SRBD1: variants seen among roughly 807,000 people sequenced by gnomAD.
The protein encoded by SRBD1 is S1 RNA-binding domain-containing protein 1.
Under a neutral mutation model 115.3 loss-of-function variants are expected in SRBD1, and 88 were observed. That is an observed-to-expected ratio of 0.76 (90% confidence interval 0.64 to 0.91). SRBD1 has a LOEUF of 0.91. SRBD1 is among the 40% of genes least tolerant of loss of function. The pLI, the probability that SRBD1 is intolerant of heterozygous loss-of-function variation, is 0.00. For missense variants in SRBD1, 1,385 were observed against 1,177.4 expected (o/e 1.18, Z -2.58); for synonymous variants, 509 against 407.7 (o/e 1.25, Z -2.99).
chr2:45,540,508 C>A (rs1671900888), intron 14 of SRBD1, among the ~76,000 whole-genome samples: 1 of 151,710 alleles, frequency 6.6e-6, no homozygotes, highest in African/African-American at 2.4e-5. Flanking sequence ...AAAAACTATA[C>A]CAAAAAATTG....
intron 16 of SRBD1, among the ~76,000 whole-genome samples, chr2:45,446,952 C>T (rs545840642): frequency 3.0e-4 from 45 of 152,322 alleles, no homozygotes; most frequent in African/African-American, 1.0e-3. Flanking sequence ...GAACTTAGAA[C>T]ATTTACTTCC....
chr2:45,484,871 G>T (rs1487232100), intron 15 of SRBD1, among the ~76,000 whole-genome samples: 1 of 152,220 alleles, frequency 6.6e-6, no homozygotes, highest in African/African-American at 2.4e-5. Context: ...TTTTACTTAT[G>T]TTGGCATGAC....
chr2:45,491,809 A>C (rs1670300660), intron 14 of SRBD1, among the ~76,000 whole-genome samples: 2 of 152,166 alleles, frequency 1.3e-5, no homozygotes, highest in Non-Finnish European at 2.9e-5. Context: ...TGAGTTAAAA[A>C]TGCTGCTTTA....
rs556686229 is a variant in SRBD1, at chr2:45,553,113, C to A, written c.1517+510G>T. Among the ~76,000 whole-genome samples, 21 of 152,292 alleles carry A rather than the reference C, an allele frequency of 1.4e-4. No individual in the cohort carries two copies. In the South Asian group the frequency reaches 4.4e-3, roughly 32 times the overall value. On this transcript the variant is annotated intron_variant, in intron 11 of 20. Transcript: ENST00000263736. ...CTCCCTACATTTCTTTTCTTTCCAT[C>A]TTCTGTCCTGAAAACAATTCTGCAC... is the stretch of plus-strand genomic sequence containing the variant.
At chr2:45,449,759 G>A (rs1430206859) in intron 16 of SRBD1, among the ~76,000 whole-genome samples, 3 of 152,146 alleles carry the variant, frequency 2.0e-5, no homozygotes, top group Non-Finnish European at 1.5e-5. Flanking sequence ...GATATGCTGT[G>A]GAAATTAGCT....
In SRBD1 at chr2:45,552,798, G is replaced by C. The variant is rs138466841; in HGVS notation, c.1517+825C>G. Reference sequence around the variant, plus strand: ...AAAAGAAATTGGACAACAGGACTATGTGTCTTTTTTAATAGTACCTGCTCA... The same window carrying C: ...AAAAGAAATTGGACAACAGGACTATCTGTCTTTTTTAATAGTACCTGCTCA... On this transcript the variant is annotated intron_variant, in intron 11 of 20. Coordinates refer to ENST00000263736, the MANE Select transcript of SRBD1 (RefSeq NM_018079.5). Among the ~76,000 whole-genome samples, 367 of 152,250 alleles carry C rather than the reference G, an allele frequency of 2.4e-3. 5 individuals are homozygous for C. Among genetic ancestry groups the C allele is most frequent in the African/African-American group, 8.3e-3 (346 of 41,546 alleles).
In SRBD1 at chr2:45,415,628, G is replaced by T. The variant is rs1249190224; in HGVS notation, c.2334-2335C>A. 8.3e-5 allele frequency among the ~76,000 whole-genome samples: 10 copies of T among 120,196 alleles called. No individual in the cohort carries two copies. The East Asian group carries it at 2.2e-3, about 26-fold the overall frequency. 78.9% of individuals were successfully genotyped at this position (120,196 alleles called of 152,430 possible). ...TTTATATATGTATAAAATATATAGA[G>T]AGAGTGAGAGAAAAGGAGGGGAGGG... On this transcript the variant is annotated intron_variant, in intron 18 of 20. Transcript: ENST00000263736.
chr2:45,523,065 G>T (rs570729915), intron 14 of SRBD1, among the ~76,000 whole-genome samples: 1 of 151,836 alleles, frequency 6.6e-6, no homozygotes, highest in Non-Finnish European at 1.5e-5. Flanking sequence ...CTCAACATGT[G>T]TATGAAACAG....
chr2:45,475,426 T>A (rs565555730), intron 16 of SRBD1, among the ~76,000 whole-genome samples: 56 of 152,242 alleles, frequency 3.7e-4, no homozygotes, highest in East Asian at 1.9e-4. Context: ...CCACCCCCCC[T>A]TGCTTAAACC....
At position 45,501,966 on chromosome 2, in the gene SRBD1, G is replaced by C. The variant is rs1284440693; in HGVS notation, c.1875-13635C>G. ...GTGGTTCTCCCAGTATGGAGTTTGA[G>C]ATCTGAGAACGGACAGACTGCCTCC... On this transcript the variant is annotated intron_variant, in intron 14 of 20. Transcript: ENST00000263736. Among the ~76,000 whole-genome samples, 3 of 152,308 alleles carry C rather than the reference G, an allele frequency of 2.0e-5. No individual in the cohort carries two copies. The East Asian group carries it at 5.8e-4, about 29-fold the overall frequency.
At chr2:45,551,893 T>A (rs1417070850) in intron 11 of SRBD1, among the ~76,000 whole-genome samples, 1 of 152,142 alleles carries the variant, frequency 6.6e-6, no homozygotes, top group Non-Finnish European at 1.5e-5. Flanking sequence ...AAGGGCGATT[T>A]GTAATATGCA....
chr2:45,610,990 C>G (rs1325085778), intron 1 of SRBD1, among the ~76,000 whole-genome samples: 1 of 151,620 alleles, frequency 6.6e-6, no homozygotes, highest in Non-Finnish European at 1.5e-5. Flanking sequence ...AGAGCTGCAG[C>G]AATTTGGCTG....
chr2:45,532,772 A>C (rs978678180), intron 14 of SRBD1, among the ~76,000 whole-genome samples: 1 of 148,330 alleles, frequency 6.7e-6, no homozygotes, highest in Non-Finnish European at 1.5e-5. Flanking sequence ...TTAGCCACAT[A>C]AAATACACAG....
At chr2:45,439,378 T>A (rs955751049) in intron 16 of SRBD1, among the ~76,000 whole-genome samples, 16 of 142,354 alleles carry the variant, frequency 1.1e-4, no homozygotes, top group Non-Finnish European at 1.8e-4. Context: ...TATATATATA[T>A]AAAACAATTG....
At chr2:45,507,315 C>T (rs1283866460) in intron 14 of SRBD1, among the ~76,000 whole-genome samples, 1 of 152,060 alleles carries the variant, frequency 6.6e-6, no homozygotes, top group African/African-American at 2.4e-5. Context: ...CAAACCAAGG[C>T]ACTTAAATGT....
At chr2:45,394,019 T>C (rs1186896169) in intron 19 of SRBD1, among the ~76,000 whole-genome samples, 1 of 152,144 alleles carries the variant, frequency 6.6e-6, no homozygotes, top group Non-Finnish European at 1.5e-5. Context: ...CTATTCAGTA[T>C]TCAGAGTCAA....
At chr2:45,580,543 T>C (rs1195774015) in intron 6 of SRBD1, among the ~76,000 whole-genome samples, 1 of 144,226 alleles carries the variant, frequency 6.9e-6, no homozygotes, top group East Asian at 2.0e-4. Flanking sequence ...GCATTTTTAG[T>C]AGAGACAGGG....
At chr2:45,589,904 T>A (rs557220496) in intron 4 of SRBD1, among the ~76,000 whole-genome samples, 1 of 152,174 alleles carries the variant, frequency 6.6e-6, no homozygotes, top group African/African-American at 2.4e-5. Flanking sequence ...GACATGTAAA[T>A]AGTCAACATA....
At chr2:45,391,756 T>G (rs1667009058) in intron 20 of SRBD1, among the ~76,000 whole-genome samples, 1 of 152,210 alleles carries the variant, frequency 6.6e-6, no homozygotes, top group Non-Finnish European at 1.5e-5. Flanking sequence ...AATTTGAGTG[T>G]TGATCTTTGC....
Sources: allele counts gnomAD v4.1 joint callset (sites outside exome capture counted in the v4.1 genomes callset), GRCh38; gene constraint gnomAD v4.1.1; transcripts MANE v1.5; gene names NCBI Gene and HGNC (gene_info 2026-07-23, HGNC 2026-07-21).